The following PKIA variants were observed in gnomAD, a reference collection of about 807,000 sequenced individuals.
PKIA encodes PKI-alpha.
In PKIA, 4 loss-of-function variants were observed where a neutral mutation model predicts 7.6. The observed-to-expected ratio is 0.52, with a 90% CI of 0.26 to 1.20. The LOEUF is 1.20. Ranked by LOEUF, PKIA falls within the 50% of genes most tolerant of loss-of-function variation. The pLI is 0.13. For missense variants in PKIA, 73 were observed against 86.2 expected (o/e 0.85, Z 0.61); for synonymous variants, 21 against 30.7 (o/e 0.68, Z 1.04).
At chr8:78,530,839 A>T (rs1806371342) in intron 1 of PKIA, among the ~76,000 whole-genome samples, 1 of 152,078 alleles carries the variant, frequency 6.6e-6, no homozygotes, top group South Asian at 2.1e-4. Context: ...ACTGAAATTC[A>T]CAGAATTCTC....
chr8:78,582,175 T>G (rs1365749721), intron 2 of PKIA, among the ~76,000 whole-genome samples: 1 of 146,774 alleles, frequency 6.8e-6, no homozygotes, highest in Non-Finnish European at 1.5e-5. Context: ...TATTTCGTGT[T>G]TTTTTTTTTT....
Position 78,586,018 on chromosome 8 carries a change from A to G in PKIA, c.-27-12340A>G, listed in dbSNP as rs80210809. Among the ~76,000 whole-genome samples, 1,070 of 152,218 alleles carry G rather than the reference A, an allele frequency of 7.0e-3. 11 individuals are homozygous for G. The highest frequency in any genetic ancestry group is 0.024 in the African/African-American group (1,006 of 41,530). ...TGTCAACCTAGAATCCTCTACCTTC[A>G]TGCTTCCCACTCAATAAATCACTAA... On this transcript the variant is annotated intron_variant, in intron 2 of 3. Transcript: ENST00000396418.
chr8:78,551,667 G>A (rs1409801431), intron 1 of PKIA, among the ~76,000 whole-genome samples: 1 of 152,014 alleles, frequency 6.6e-6, no homozygotes, highest in Admixed American at 6.6e-5. Flanking sequence ...AATGGCTAAT[G>A]TTTTGGGGTA....
intron 2 of PKIA, among the ~76,000 whole-genome samples, chr8:78,576,342 A>C (rs1206988673): frequency 1.3e-5 from 2 of 151,910 alleles, no homozygotes; most frequent in African/African-American, 2.4e-5. Context: ...CTTATTTCTC[A>C]TTGTTATTTA....
intron 2 of PKIA, 48 bp from the exon 3 acceptor site, chr8:78,598,310 G>C: frequency 8.6e-7 from 1 of 1,168,000 alleles, no homozygotes; most frequent in Admixed American, 2.0e-5. Context: ...TAAATGTTTA[G>C]CATTGACTAC....
At chr8:78,592,969 C>T (rs1808137265) in intron 2 of PKIA, among the ~76,000 whole-genome samples, 1 of 152,160 alleles carries the variant, frequency 6.6e-6, no homozygotes, top group African/African-American at 2.4e-5. Context: ...AACCCAAAGA[C>T]ATATACCCAT....
intron 1 of PKIA, among the ~76,000 whole-genome samples, chr8:78,548,825 C>T (rs1214986264): frequency 1.3e-5 from 2 of 151,930 alleles, no homozygotes; most frequent in African/African-American, 4.8e-5. Context: ...CCACCAGTGA[C>T]TCTACATCTA....
chr8:78,578,446 G>A (rs1042598489), intron 2 of PKIA, among the ~76,000 whole-genome samples: 1 of 151,800 alleles, frequency 6.6e-6, no homozygotes, highest in Admixed American at 6.6e-5. Flanking sequence ...GAACACTTTT[G>A]TTTCAAATCA....
intron 2 of PKIA, among the ~76,000 whole-genome samples, chr8:78,590,222 G>A (rs768979246): frequency 6.6e-5 from 10 of 151,112 alleles, no homozygotes; most frequent in Admixed American, 1.3e-4. Flanking sequence ...ATGTGCTACC[G>A]TTTGGGAAAT....
chr8:78,598,343 T>G lies in PKIA; in HGVS notation c.-27-15T>G. On this transcript the variant is annotated splice_polypyrimidine_tract_variant and intron_variant, in intron 2 of 3. Coordinates refer to ENST00000396418, the MANE Select transcript of PKIA (RefSeq NM_006823.4). ...TACCATTATATTCACCTATTAATTT[T>G]CCTTTCTTTTGTAGTCCCTGCTATG... 6.5e-7 allele frequency: 1 copy of G among 1,530,234 alleles called. No individual in the cohort carries two copies. The highest frequency in any genetic ancestry group is 9.0e-7 in the Non-Finnish European group (1 of 1,114,774). The allele number at this position is 1,530,234 out of a possible 1,614,324, so 94.8% of individuals were successfully genotyped here. A position where few individuals can be genotyped will look rare whatever the true frequency, so the allele number is the denominator to read the frequency against.
chr8:78,578,568 G>T (rs61066660), intron 2 of PKIA, among the ~76,000 whole-genome samples: 40,158 of 151,702 alleles, frequency 0.26, 6,671 homozygotes, highest in African/African-American at 0.48. Flanking sequence ...AAAAGCTCTC[G>T]TTAGAATATC....
intron 1 of PKIA, among the ~76,000 whole-genome samples, chr8:78,527,879 G>T (rs372488339): frequency 1.3e-5 from 2 of 151,818 alleles, no homozygotes; most frequent in African/African-American, 4.8e-5. Context: ...AAATTATTTT[G>T]TACATCTATG....
chr8:78,518,613 G>A (rs1809359383), intron 1 of PKIA, among the ~76,000 whole-genome samples: 1 of 152,158 alleles, frequency 6.6e-6, no homozygotes. Context: ...AAGTGCGTGA[G>A]AATATCCTAA....
At chr8:78,575,019 A>G (rs745985819) in intron 2 of PKIA, among the ~76,000 whole-genome samples, 1 of 151,982 alleles carries the variant, frequency 6.6e-6, no homozygotes, top group South Asian at 2.1e-4. Context: ...TTTCATAAAT[A>G]AATGTATCTG....
At chr8:78,557,471 T>C (rs1307900227) in intron 1 of PKIA, among the ~76,000 whole-genome samples, 3 of 152,152 alleles carry the variant, frequency 2.0e-5, no homozygotes, top group Non-Finnish European at 4.4e-5. Flanking sequence ...ATGCTAGAAG[T>C]TGTATGAGAT....
chr8:78,553,175 AC>A (rs1807031290), intron 1 of PKIA, among the ~76,000 whole-genome samples: 1 of 151,474 alleles, frequency 6.6e-6, no homozygotes, highest in Non-Finnish European at 1.5e-5. Context: ...ATACTCCAGT[AC>A]CCGTAAAAGC....
rs530644066 is a variant in PKIA at position 78,524,598 on chromosome 8, C to G, written c.-157+8130C>G. On this transcript the variant is annotated intron_variant, in intron 1 of 3. Coordinates refer to ENST00000396418, the MANE Select transcript of PKIA (RefSeq NM_006823.4). ...AACTAAAAATGTACCTATTGAGACT[C>G]TCCATTGATAAAAGTTGGCTAAGAT... Among the ~76,000 whole-genome samples the G allele has an allele frequency of 2.0e-5, 3 of 151,914 alleles. No individual in the cohort carries two copies. In the South Asian group the frequency reaches 6.2e-4, roughly 31 times the overall value.
intron 2 of PKIA, among the ~76,000 whole-genome samples, chr8:78,585,703 T>C (rs1807935345): frequency 6.6e-6 from 1 of 152,170 alleles, no homozygotes; most frequent in Non-Finnish European, 1.5e-5. Context: ...AAAAGAGGCA[T>C]ATTAAAGTGT....
chr8:78,519,089 G>A (rs1585861007), intron 1 of PKIA, among the ~76,000 whole-genome samples: 1 of 151,834 alleles, frequency 6.6e-6, no homozygotes, highest in South Asian at 2.1e-4. Flanking sequence ...TGCATGATTA[G>A]ATGCTAAATG....
Sources: gnomAD v4.1 joint callset for allele counts (sites outside exome capture counted in the v4.1 genomes callset) on GRCh38, gnomAD v4.1.1 for gene constraint, MANE v1.5 for transcripts, NCBI Gene and HGNC (gene_info 2026-07-23, HGNC 2026-07-21) for gene names.